The following ZDHHC11B variants were observed in gnomAD, a reference collection of about 807,000 sequenced individuals.
ZDHHC11B encodes zDHHC palmitoyltransferase 11B (putative).
Under a neutral mutation model 42.3 loss-of-function variants are expected in ZDHHC11B, and 17 were observed. The observed-to-expected ratio is 0.40, with a 90% confidence interval of 0.27 to 0.60. The LOEUF is 0.60. Among genes scored for constraint, ZDHHC11B ranks in the 20% least tolerant of loss-of-function variants. The probability of loss-of-function intolerance (pLI) is 0.41; values close to 1 mark genes in which losing one functional copy is unlikely to be tolerated. For missense variants in ZDHHC11B, 262 were observed against 463.2 expected, an observed-to-expected ratio of 0.57 and a Z score of 3.99; for synonymous variants, 123 against 193.5, an observed-to-expected ratio of 0.64 and a Z score of 3.02.
chr5:755,985 G>A lies in ZDHHC11B; in HGVS notation c.382C>T (p.His128Tyr). Residue 128 changes from histidine (H) to tyrosine (Y), a missense_variant, in exon 5 of 14, where the codon CAC (histidine) becomes TAC (tyrosine). His to Tyr is a moderately conservative substitution (Grantham distance 83). Transcript: ENST00000508859. ...HAHVIQNQFCHLCKVTVNKKT... is the reference protein window; with the variant it reads ...HAHVIQNQFCYLCKVTVNKKT... ...ACTCACACGGTGACCTTGCACAGGTGGCAGAACTGATTCTGGATCACGTGT... is the reference window on the plus strand; with the variant it reads ...ACTCACACGGTGACCTTGCACAGGTAGCAGAACTGATTCTGGATCACGTGT... The A allele has an allele frequency of 8.9e-7, 1 of 1,124,978 alleles. No homozygotes were observed. Among genetic ancestry groups the A allele is most frequent in the South Asian group, 1.6e-5 (1 of 63,460 alleles). The allele number at this position is 1,124,978 out of a possible 1,614,324, so 69.7% of individuals were successfully genotyped here.
At chr5:763,793 G>A (rs58039499) in intron 4 of ZDHHC11B, among the ~76,000 whole-genome samples, 3,191 of 150,288 alleles carry the variant, frequency 0.021, 8 homozygotes, top group East Asian at 0.12. Context: ...GATAAAGCAT[G>A]GTGTTATAAA....
At chr5:712,954 C>T (rs1465010958) in intron 13 of ZDHHC11B, among the ~76,000 whole-genome samples, 28 of 149,766 alleles carry the variant, frequency 1.9e-4, no homozygotes, top group Admixed American at 5.3e-4. Flanking sequence ...TCTTTGTTTA[C>T]GGCATTTATC....
intron 13 of ZDHHC11B, among the ~76,000 whole-genome samples, chr5:713,692 G>A (rs1297953834): frequency 2.6e-5 from 4 of 151,994 alleles, no homozygotes; most frequent in African/African-American, 4.8e-5. Flanking sequence ...ACAAATTTAG[G>A]GAGAACCTGT....
At chr5:748,339 T>C in intron 8 of ZDHHC11B, 65 bp downstream of exon 8, 1 of 984,158 alleles carries the variant, frequency 1.0e-6, no homozygotes, top group Non-Finnish European at 1.4e-6. Flanking sequence ...CAAGTAGAGG[T>C]GTAAGATGAG....
intron 12 of ZDHHC11B, among the ~76,000 whole-genome samples, chr5:721,173 A>G (rs1742154758): frequency 6.6e-6 from 1 of 151,484 alleles, no homozygotes. Context: ...TATCCCCAGC[A>G]TAACCACTAG....
At position 752,982 on chromosome 5, in the gene ZDHHC11B, C is replaced by T. The variant is rs528744734; in HGVS notation, c.504-1725G>A. The stretch of plus-strand genomic sequence containing the variant: ...ACAGGATGGGGCAGACCCATTCACG[C>T]GGGGCCTCCTCTCCCCGCAGCCACC... On this transcript the variant is annotated intron_variant, in intron 6 of 13. Coordinates refer to ENST00000508859, the MANE Select transcript of ZDHHC11B (RefSeq NM_001351303.2). Among the ~76,000 whole-genome samples, 6 of 89,926 alleles carry T rather than the reference C, an allele frequency of 6.7e-5. 1 individual carries two copies. The highest frequency in any genetic ancestry group is 1.0e-4 in the African/African-American group (3 of 29,826). The allele number at this position is 89,926 out of a possible 152,430, so 59.0% of individuals were successfully genotyped here. A position where few individuals can be genotyped will look rare whatever the true frequency, so the allele number is the denominator to read the frequency against.
In ZDHHC11B at chr5:771,475, C is replaced by T. The variant is rs112519131; in HGVS notation, c.-229-2545G>A. Among the ~76,000 whole-genome samples the T allele has an allele frequency of 2.2e-4, 25 of 115,416 alleles. 3 individuals carry two copies. The highest frequency in any genetic ancestry group is 7.1e-4 in the African/African-American group (24 of 33,844). The allele number at this position is 115,416 out of a possible 152,430, so 75.7% of individuals were successfully genotyped here. ...GGGCAGGGTCTCATGGGGGCAGGACCGCGTGGGGGCAGGATCCTGGTGGGG... is the reference window on the plus strand; with the variant it reads ...GGGCAGGGTCTCATGGGGGCAGGACTGCGTGGGGGCAGGATCCTGGTGGGG... On this transcript the variant is annotated intron_variant, in intron 1 of 13. Coordinates refer to ENST00000508859, the MANE Select transcript of ZDHHC11B (RefSeq NM_001351303.2).
At chr5:756,527 C>T (rs1330351648) in intron 4 of ZDHHC11B, among the ~76,000 whole-genome samples, 1 of 151,284 alleles carries the variant, frequency 6.6e-6, no homozygotes. Context: ...CTGTTGGACA[C>T]AGGGCAAATC....
chr5:721,901 G>A (rs1198906049), intron 12 of ZDHHC11B, among the ~76,000 whole-genome samples: 1 of 151,718 alleles, frequency 6.6e-6, no homozygotes, highest in Non-Finnish European at 1.5e-5. Flanking sequence ...TGACTAGACA[G>A]CCCAGAAATA....
At chr5:758,797 C>T (rs1435201301) in intron 4 of ZDHHC11B, among the ~76,000 whole-genome samples, 1 of 151,928 alleles carries the variant, frequency 6.6e-6, no homozygotes, top group Non-Finnish European at 1.5e-5. Flanking sequence ...CCCTGCTGTC[C>T]ATTGGCCGCA....
intron 1 of ZDHHC11B, among the ~76,000 whole-genome samples, chr5:783,467 CT>C (rs1427489818): frequency 2.8e-5 from 4 of 145,390 alleles, no homozygotes; most frequent in South Asian, 5.0e-4. Flanking sequence ...ACCTCTCCCC[CT>C]GAGAAGTCAG....
At chr5:764,296 G>A (rs1387574256) in intron 4 of ZDHHC11B, among the ~76,000 whole-genome samples, 1 of 151,962 alleles carries the variant, frequency 6.6e-6, no homozygotes, top group African/African-American at 2.4e-5. Context: ...ACACTCGAGG[G>A]GCCCTTCAGC....
chr5:780,798 C>G (rs1736903762), intron 1 of ZDHHC11B, among the ~76,000 whole-genome samples: 1 of 151,974 alleles, frequency 6.6e-6, no homozygotes, highest in South Asian at 2.1e-4. Context: ...GCCCAGGCTC[C>G]TCAGGCACTG....
chr5:765,829 A>G (rs1455531894), intron 4 of ZDHHC11B, among the ~76,000 whole-genome samples: 4 of 152,036 alleles, frequency 2.6e-5, no homozygotes, highest in African/African-American at 9.6e-5. Context: ...GCCTTTAAGA[A>G]CTGTAACACT....
At chr5:745,965 T>C (rs1299923561) in intron 8 of ZDHHC11B, among the ~76,000 whole-genome samples, 8 of 148,938 alleles carry the variant, frequency 5.4e-5, no homozygotes, top group East Asian at 2.1e-4. Flanking sequence ...ACCATCCCTG[T>C]AGCCCTGCGC....
intron 10 of ZDHHC11B, 23 bp from the exon 11 acceptor site, chr5:733,862 A>G: frequency 6.3e-7 from 1 of 1,592,574 alleles, no homozygotes. Flanking sequence ...GAAGGAGGAG[A>G]GAAACTCATC....
chr5:762,308 A>T (rs1734732869), intron 4 of ZDHHC11B, among the ~76,000 whole-genome samples: 1 of 151,892 alleles, frequency 6.6e-6, no homozygotes, highest in Non-Finnish European at 1.5e-5. Flanking sequence ...TCACAGCCCC[A>T]GACAGCCACC....
rs375092061 is a variant in ZDHHC11B, at chr5:754,537, G to A, written c.503+461C>T. Reference sequence around the variant, plus strand: ...ACCGTGCTCAGGGGAAACACCTCTCGTCTATGAGCCTCCACCGTGCTCAGG... The same window carrying A: ...ACCGTGCTCAGGGGAAACACCTCTCATCTATGAGCCTCCACCGTGCTCAGG... On this transcript the variant is annotated intron_variant, in intron 6 of 13. Coordinates refer to ENST00000508859, the MANE Select transcript of ZDHHC11B (RefSeq NM_001351303.2). Among the ~76,000 whole-genome samples, 521 of 89,916 alleles carry A rather than the reference G, an allele frequency of 5.8e-3. 5 individuals are homozygous for A. Among genetic ancestry groups the A allele is most frequent in the African/African-American group, 0.016 (375 of 24,034 alleles). The allele number at this position is 89,916 out of a possible 152,430, so 59.0% of individuals were successfully genotyped here.
At chr5:730,357 A>C in intron 12 of ZDHHC11B, 77 bp downstream of exon 12, 2 of 1,465,520 alleles carry the variant, frequency 1.4e-6, no homozygotes, top group South Asian at 2.7e-5. Flanking sequence ...TAAATAGAGA[A>C]CATATTTTCC....
Sources: gnomAD v4.1 joint callset for allele counts (sites outside exome capture counted in the v4.1 genomes callset) on GRCh38, gnomAD v4.1.1 for gene constraint, MANE v1.5 for transcripts, NCBI Gene and HGNC (gene_info 2026-07-23, HGNC 2026-07-21) for gene names.